The following GRM8 variants were observed in gnomAD, a reference collection of about 807,000 sequenced individuals.
GRM8 encodes glutamate metabotropic receptor 8, also known as metabotropic glutamate receptor 8.
Under a neutral mutation model 87.2 loss-of-function variants are expected in GRM8, and 47 were observed. The ratio of observed to expected loss-of-function variants is 0.54; its 90% CI spans 0.43 to 0.69. The LOEUF (loss-of-function observed/expected upper bound fraction) is 0.69. Among genes scored for constraint, GRM8 ranks in the 30% least tolerant of loss-of-function variants. GRM8 has a pLI of 0.00. For missense variants in GRM8, 1,019 were observed against 1,139.2 expected, an observed-to-expected ratio of 0.89 and a Z score of 1.52; for synonymous variants, 396 against 404.5, an observed-to-expected ratio of 0.98 and a Z score of 0.25.
intron 8 of GRM8, among the ~76,000 whole-genome samples, chr7:126,554,577 A>G (rs1382148665): frequency 6.6e-6 from 1 of 152,116 alleles, no homozygotes; most frequent in Non-Finnish European, 1.5e-5. Context: ...TGAGTGACAG[A>G]ATGAAACCCT....
intron 8 of GRM8, among the ~76,000 whole-genome samples, chr7:126,541,707 G>A (rs897109525): frequency 6.6e-6 from 1 of 152,226 alleles, no homozygotes; most frequent in African/African-American, 2.4e-5. Context: ...TCTATCAGCT[G>A]CTTCTTCAAG....
At chr7:127,097,348 A>C (rs1824761086) in intron 3 of GRM8, among the ~76,000 whole-genome samples, 1 of 152,196 alleles carries the variant, frequency 6.6e-6, no homozygotes. Context: ...AAAACAGGAC[A>C]GGGTAGAATA....
At chr7:126,529,330 T>C (rs112768432) in intron 9 of GRM8, among the ~76,000 whole-genome samples, 1 of 152,240 alleles carries the variant, frequency 6.6e-6, no homozygotes, top group African/African-American at 2.4e-5. Flanking sequence ...TTATTGAGAA[T>C]GGACTATAAG....
intron 6 of GRM8, among the ~76,000 whole-genome samples, chr7:126,876,301 G>A (rs1799520653): frequency 6.6e-6 from 1 of 152,184 alleles, no homozygotes; most frequent in Admixed American, 6.5e-5. Flanking sequence ...TTGAAAGGAT[G>A]AATAAATAAA....
chr7:126,880,996 GC>G (rs2130989405), intron 6 of GRM8, among the ~76,000 whole-genome samples: 1 of 152,250 alleles, frequency 6.6e-6, no homozygotes, highest in African/African-American at 2.4e-5. Flanking sequence ...ATTTTGCTAT[GC>G]CCTGTATTTT....
intron 2 of GRM8, among the ~76,000 whole-genome samples, chr7:127,189,407 GC>G (rs1794904428): frequency 1.3e-5 from 2 of 152,096 alleles, no homozygotes; most frequent in Non-Finnish European, 2.9e-5. Flanking sequence ...TTCTCTCATT[GC>G]CCTGTACAGC....
At chr7:126,625,431 TAA>T (rs35646893) in intron 7 of GRM8, among the ~76,000 whole-genome samples, 3 of 146,542 alleles carry the variant, frequency 2.0e-5, no homozygotes, top group African/African-American at 2.5e-5. Flanking sequence ...TTTGGTGTGT[TAA>T]AAAAAAAAAG....
At chr7:126,484,815 A>G (rs1326918151) in intron 9 of GRM8, among the ~76,000 whole-genome samples, 1 of 152,008 alleles carries the variant, frequency 6.6e-6, no homozygotes, top group Non-Finnish European at 1.5e-5. Context: ...AATATTAAAT[A>G]ACTGACCCCA....
chr7:126,518,236 T>A (rs979416979), intron 9 of GRM8, among the ~76,000 whole-genome samples: 6 of 152,102 alleles, frequency 3.9e-5, no homozygotes, highest in African/African-American at 1.4e-4. Flanking sequence ...AAGAGATTAC[T>A]TTACACAATA....
intron 7 of GRM8, among the ~76,000 whole-genome samples, chr7:126,636,216 T>C (rs756857766): frequency 4.6e-5 from 7 of 152,088 alleles, no homozygotes; most frequent in African/African-American, 1.7e-4. Context: ...CAGAAACTTA[T>C]ATAAAATACA....
chr7:127,072,704 TGGAATGAG>T (rs1332074985), intron 3 of GRM8, among the ~76,000 whole-genome samples: 1 of 151,420 alleles, frequency 6.6e-6, no homozygotes, highest in Non-Finnish European at 1.5e-5. Flanking sequence ...TTCAGTAAGA[TGGAATGAG>T]TGAATGAGTG....
In GRM8 at chr7:126,525,792, C is replaced by T. The variant is rs565375122; in HGVS notation, c.2430+7160G>A. Among the ~76,000 whole-genome samples the T allele has an allele frequency of 2.6e-5, 4 of 152,134 alleles. No individual in the cohort carries two copies. In the South Asian group the frequency reaches 6.2e-4, roughly 24 times the overall value. On this transcript the variant is annotated intron_variant, in intron 9 of 10. Transcript: ENST00000339582. Reference sequence around the variant, plus strand: ...TCTAGTCTTCTTTCTTTTTTAAAATCTCATTATTTTTGTCATTTACTTGTT... The same window carrying T: ...TCTAGTCTTCTTTCTTTTTTAAAATTTCATTATTTTTGTCATTTACTTGTT...
intron 7 of GRM8, among the ~76,000 whole-genome samples, chr7:126,659,659 T>C (rs1011610320): frequency 2.6e-5 from 4 of 152,202 alleles, no homozygotes; most frequent in African/African-American, 9.6e-5. Context: ...TGGCAATACA[T>C]TGTGTGCTTT....
At chr7:126,536,681 G>A (rs538181108) in intron 8 of GRM8, among the ~76,000 whole-genome samples, 22 of 152,136 alleles carry the variant, frequency 1.4e-4, no homozygotes, top group Non-Finnish European at 2.4e-4. Context: ...GCTCCACTGG[G>A]TGCTTCAGGA....
intron 2 of GRM8, among the ~76,000 whole-genome samples, chr7:127,125,413 C>T (rs148194428): frequency 1.1e-3 from 173 of 152,066 alleles, no homozygotes; most frequent in African/African-American, 4.1e-3. Flanking sequence ...AAAAAAGACA[C>T]TTGATTCTCA....
intron 8 of GRM8, among the ~76,000 whole-genome samples, chr7:126,607,225 T>C (rs990191685): frequency 6.6e-5 from 10 of 152,254 alleles, no homozygotes; most frequent in African/African-American, 2.2e-4. Flanking sequence ...TAAGATTTCA[T>C]GAAGCACCTA....
intron 3 of GRM8, among the ~76,000 whole-genome samples, chr7:126,974,860 C>T (rs1289593417): frequency 7.3e-6 from 1 of 136,170 alleles, no homozygotes; most frequent in Non-Finnish European, 1.5e-5. Flanking sequence ...GTCGTGAACT[C>T]GGGAGGCGGA....
At chr7:126,663,697 C>T (rs913492260) in intron 7 of GRM8, among the ~76,000 whole-genome samples, 17 of 152,096 alleles carry the variant, frequency 1.1e-4, no homozygotes, top group Non-Finnish European at 2.4e-4. Context: ...ACTGAACAGG[C>T]AAAAGCTGGA....
intron 3 of GRM8, among the ~76,000 whole-genome samples, chr7:126,941,746 G>A (rs1040346837): frequency 6.6e-6 from 1 of 152,056 alleles, no homozygotes; most frequent in African/African-American, 2.4e-5. Context: ...AACCGTGGTT[G>A]CAGAATCTAT....
Sources: gnomAD v4.1 joint callset for allele counts (sites outside exome capture counted in the v4.1 genomes callset) on GRCh38, gnomAD v4.1.1 for gene constraint, MANE v1.5 for transcripts, NCBI Gene and HGNC (gene_info 2026-07-23, HGNC 2026-07-21) for gene names.